GRIK2: variants seen among roughly 807,000 people sequenced by gnomAD.
GRIK2 encodes the protein glutamate ionotropic receptor kainate type subunit 2.
In GRIK2, 32 loss-of-function variants were observed where a neutral mutation model predicts 100.3. The observed-to-expected ratio is 0.32, with a 90% confidence interval of 0.24 to 0.43. The LOEUF (loss-of-function observed/expected upper bound fraction) is 0.43, where lower values mean the gene tolerates loss of function less well. Ranked by LOEUF, GRIK2 falls within the 20% of genes least tolerant of loss-of-function variation. The pLI, the probability that GRIK2 is intolerant of heterozygous loss-of-function variation, is 1.00. For synonymous variants in GRIK2, 417 were observed against 389.4 expected, an observed-to-expected ratio of 1.07 and a Z score of -0.83; for missense variants, 843 against 1,114.9, an observed-to-expected ratio of 0.76 and a Z score of 3.47.
chr6:101,676,987 T>C (rs1770888651), intron 5 of GRIK2, among the ~76,000 whole-genome samples, 183 bp downstream of exon 5: 1 of 152,106 alleles, frequency 6.6e-6, no homozygotes, highest in Non-Finnish European at 1.5e-5. Flanking sequence ...ATGTAAACAT[T>C]GATGATCTTC....
At chr6:101,805,313 T>TCA (rs748844234) in intron 9 of GRIK2, among the ~76,000 whole-genome samples, 43 of 142,032 alleles carry the variant, frequency 3.0e-4, no homozygotes, top group African/African-American at 1.1e-3. Flanking sequence ...TTCATCACCT[T>TCA]AAAAAAAAAA....
chr6:101,532,468 C>G (rs1050341278), intron 2 of GRIK2, among the ~76,000 whole-genome samples: 2 of 151,128 alleles, frequency 1.3e-5, no homozygotes, highest in Admixed American at 6.6e-5. Flanking sequence ...AGTCCTGCAC[C>G]AGGTGCAGAT....
At chr6:102,039,465 C>T (rs181699496) in intron 15 of GRIK2, among the ~76,000 whole-genome samples, 225 of 151,404 alleles carry the variant, frequency 1.5e-3, no homozygotes, top group African/African-American at 5.1e-3. Flanking sequence ...TTTAAAGGCT[C>T]GGAGTGAGTT....
chr6:101,740,163 C>T (rs1336954968), intron 7 of GRIK2, among the ~76,000 whole-genome samples: 1 of 152,210 alleles, frequency 6.6e-6, no homozygotes, highest in East Asian at 1.9e-4. Flanking sequence ...CAGTCCAAAT[C>T]TGCTGTGGCT....
intron 2 of GRIK2, among the ~76,000 whole-genome samples, chr6:101,486,244 A>C (rs1290233445): frequency 6.6e-6 from 1 of 152,024 alleles, no homozygotes; most frequent in Non-Finnish European, 1.5e-5. Flanking sequence ...GGAAATAGGC[A>C]GTTTGAGAGG....
intron 2 of GRIK2, among the ~76,000 whole-genome samples, chr6:101,579,132 A>C (rs1777928873): frequency 6.6e-6 from 1 of 152,160 alleles, no homozygotes; most frequent in Admixed American, 6.5e-5. Context: ...ACACACACAC[A>C]CACTCCCTTG....
At chr6:101,530,174 G>A (rs1775362518) in intron 2 of GRIK2, among the ~76,000 whole-genome samples, 1 of 151,944 alleles carries the variant, frequency 6.6e-6, no homozygotes, top group African/African-American at 2.4e-5. Flanking sequence ...CAACATGCTG[G>A]TGCATTAAAG....
At chr6:101,692,996 C>T (rs1038202514) in intron 7 of GRIK2, among the ~76,000 whole-genome samples, 2 of 151,974 alleles carry the variant, frequency 1.3e-5, no homozygotes, top group African/African-American at 2.4e-5. Context: ...ACATATTAAT[C>T]TTCTAAGATG....
At chr6:101,695,560 C>T (rs1772424891) in intron 7 of GRIK2, among the ~76,000 whole-genome samples, 1 of 151,986 alleles carries the variant, frequency 6.6e-6, no homozygotes. Context: ...TTATACATAT[C>T]TATATCTATT....
chr6:101,685,783 CAA>C (rs201245961), intron 6 of GRIK2, among the ~76,000 whole-genome samples: 2 of 143,148 alleles, frequency 1.4e-5, no homozygotes, highest in Non-Finnish European at 3.1e-5. Flanking sequence ...GAAACACTGA[CAA>C]AAAAAAAATT....
intron 7 of GRIK2, among the ~76,000 whole-genome samples, chr6:101,732,998 CTTTCCAAAGTCCCTAACTCTACATA>C (rs1775380679): frequency 6.6e-6 from 1 of 152,068 alleles, no homozygotes; most frequent in African/African-American, 2.4e-5. Flanking sequence ...AATCAAATGA[CTTTCCAAAGTCCCTAACTCTACATA>C]CTACCACATT....
intron 4 of GRIK2, among the ~76,000 whole-genome samples, chr6:101,649,469 T>A (rs1314547071): frequency 1.3e-5 from 2 of 152,038 alleles, no homozygotes; most frequent in Non-Finnish European, 2.9e-5. Context: ...TAAACATGTT[T>A]AACAAGTGAT....
intron 7 of GRIK2, among the ~76,000 whole-genome samples, chr6:101,712,238 C>A (rs61090963): frequency 6.6e-6 from 1 of 151,708 alleles, no homozygotes; most frequent in Non-Finnish European, 1.5e-5. Context: ...ACCTTGCTAC[C>A]CTGTGTGTGG....
At chr6:101,666,391 G>A (rs1317421805) in intron 4 of GRIK2, among the ~76,000 whole-genome samples, 1 of 152,144 alleles carries the variant, frequency 6.6e-6, no homozygotes, top group African/African-American at 2.4e-5. Context: ...GTGTTTATTA[G>A]GGTTTAATCA....
intron 12 of GRIK2, among the ~76,000 whole-genome samples, chr6:101,914,918 T>C (rs1562484760): frequency 6.6e-6 from 1 of 151,576 alleles, no homozygotes; most frequent in Admixed American, 6.6e-5. Flanking sequence ...TAACCATAGT[T>C]TAACTTCATC....
intron 2 of GRIK2, among the ~76,000 whole-genome samples, chr6:101,455,758 A>C (rs994539218): frequency 3.9e-5 from 6 of 152,144 alleles, no homozygotes; most frequent in African/African-American, 1.4e-4. Context: ...TTGAGTCTCT[A>C]TTTAAATATG....
At chr6:101,895,939 A>G (rs1787410574) in intron 12 of GRIK2, among the ~76,000 whole-genome samples, 1 of 151,794 alleles carries the variant, frequency 6.6e-6, no homozygotes, top group Admixed American at 6.6e-5. Flanking sequence ...TTAAATATTG[A>G]CAAATATTTA....
intron 2 of GRIK2, among the ~76,000 whole-genome samples, chr6:101,511,295 T>G (rs527378733): frequency 6.6e-6 from 1 of 152,344 alleles, no homozygotes; most frequent in African/African-American, 2.4e-5. Context: ...TTCTTGACAT[T>G]TAACTACCAA....
intron 5 of GRIK2, among the ~76,000 whole-genome samples, chr6:101,677,441 C>A (rs754995384): frequency 1.1e-4 from 16 of 152,086 alleles, no homozygotes; most frequent in Non-Finnish European, 2.2e-4. Flanking sequence ...ACAAACAAAA[C>A]CTTCTAAATC....
Sources: gnomAD v4.1 joint callset for allele counts (sites outside exome capture counted in the v4.1 genomes callset) on GRCh38, gnomAD v4.1.1 for gene constraint, MANE v1.5 for transcripts, NCBI Gene and HGNC (gene_info 2026-07-23, HGNC 2026-07-21) for gene names.